Variants in MAGI1 observed in about 807,000 individuals in gnomAD.
MAGI1 encodes the protein membrane associated guanylate kinase, WW and PDZ domain containing 1.
Under a neutral mutation model 139.9 loss-of-function variants are expected in MAGI1, and 58 were observed. The ratio of observed to expected loss-of-function variants is 0.41; its 90% CI spans 0.34 to 0.52. The LOEUF is 0.52. Ranked by LOEUF, MAGI1 falls within the 20% of genes least tolerant of loss-of-function variation. The probability of loss-of-function intolerance (pLI) is 0.12; values close to 1 mark genes in which losing one functional copy is unlikely to be tolerated. For synonymous variants in MAGI1, 812 were observed against 737.9 expected (o/e 1.10, Z -1.63); for missense variants, 1,874 against 1,901.6 (o/e 0.99, Z 0.27).
chr3:65,597,099 G>A (rs749797945), intron 2 of MAGI1, among the ~76,000 whole-genome samples: 13 of 151,934 alleles, frequency 8.6e-5, no homozygotes, highest in Non-Finnish European at 1.5e-4. Flanking sequence ...CTGGGCGCCG[G>A]AACAATGCAG....
At chr3:65,860,176 G>A (rs571367890) in intron 1 of MAGI1, among the ~76,000 whole-genome samples, 2 of 152,180 alleles carry the variant, frequency 1.3e-5, no homozygotes, top group South Asian at 2.1e-4. Flanking sequence ...GATTACAGGT[G>A]TCAGCCACCG....
chr3:65,627,652 T>C (rs3953372), intron 1 of MAGI1, among the ~76,000 whole-genome samples: 7,788 of 151,518 alleles, frequency 0.051, 405 homozygotes, highest in African/African-American at 0.13. Context: ...GGACTACAGG[T>C]GACCACCACC....
At chr3:65,765,008 G>C (rs1267309337) in intron 1 of MAGI1, among the ~76,000 whole-genome samples, 1 of 152,120 alleles carries the variant, frequency 6.6e-6, no homozygotes, top group Non-Finnish European at 1.5e-5. Context: ...GAAATTATAG[G>C]AACTAAATTA....
intron 1 of MAGI1, among the ~76,000 whole-genome samples, chr3:65,701,218 A>G (rs1033278111): frequency 1.3e-5 from 2 of 152,222 alleles, no homozygotes; most frequent in African/African-American, 4.8e-5. Context: ...TAGATTATCT[A>G]AAATTCTCAT....
At chr3:65,916,258 G>A (rs1576023194) in intron 1 of MAGI1, among the ~76,000 whole-genome samples, 1 of 151,918 alleles carries the variant, frequency 6.6e-6, no homozygotes, top group African/African-American at 2.4e-5. Flanking sequence ...TAGTAGAGAC[G>A]GGGTTTCGCC....
intron 1 of MAGI1, among the ~76,000 whole-genome samples, chr3:65,776,783 GTGTGA>G: frequency 3.7e-5 from 1 of 26,984 alleles, no homozygotes; most frequent in East Asian, 1.0e-3. Flanking sequence ...AAAGACATTT[GTGTGA>G]TTTGTGTGAT....
chr3:65,934,169 T>C (rs2062937518), intron 1 of MAGI1, among the ~76,000 whole-genome samples: 1 of 151,294 alleles, frequency 6.6e-6, no homozygotes, highest in African/African-American at 2.4e-5. Context: ...TTCAAAGAGG[T>C]GAATCTAGGT....
intron 14 of MAGI1, 40 bp from the exon 15 acceptor site, chr3:65,383,663 G>T: frequency 8.0e-7 from 1 of 1,249,438 alleles, no homozygotes; most frequent in Non-Finnish European, 1.2e-6. Context: ...TTATTTTACT[G>T]ATAAAAGCAA....
intron 1 of MAGI1, among the ~76,000 whole-genome samples, chr3:65,900,504 C>G (rs1046418457): frequency 5.9e-5 from 9 of 152,204 alleles, no homozygotes; most frequent in African/African-American, 2.2e-4. Context: ...TCATAATATA[C>G]TAGTACAGAA....
At chr3:65,843,776 C>A in intron 1 of MAGI1, 1 of 170,312 alleles carries the variant, frequency 5.9e-6, no homozygotes, top group Non-Finnish European at 1.2e-5. Context: ...TAAAAGAAAG[C>A]AAGGTTTAAA....
intron 1 of MAGI1, among the ~76,000 whole-genome samples, chr3:65,978,223 T>A (rs1379743551): frequency 6.6e-6 from 1 of 152,166 alleles, no homozygotes; most frequent in Non-Finnish European, 1.5e-5. Context: ...AAGAATATTA[T>A]CCTCCTCTTA....
chr3:65,739,930 C>A (rs2107775432), intron 1 of MAGI1, among the ~76,000 whole-genome samples: 1 of 152,054 alleles, frequency 6.6e-6, no homozygotes, highest in East Asian at 1.9e-4. Context: ...ACAAGGTGAC[C>A]ACATGCTGTT....
chr3:65,948,478 G>A (rs1250464248), intron 1 of MAGI1, among the ~76,000 whole-genome samples: 1 of 152,136 alleles, frequency 6.6e-6, no homozygotes, highest in Non-Finnish European at 1.5e-5. Context: ...AATGGTTCAA[G>A]TAGAGCTTAT....
At chr3:65,471,898 C>T (rs1361341128) in intron 4 of MAGI1, among the ~76,000 whole-genome samples, 2 of 152,096 alleles carry the variant, frequency 1.3e-5, no homozygotes, top group African/African-American at 4.8e-5. Flanking sequence ...GCCATCTTGA[C>T]AAAGCTTGAC....
At chr3:65,888,672 T>A (rs968853358) in intron 1 of MAGI1, among the ~76,000 whole-genome samples, 1 of 152,186 alleles carries the variant, frequency 6.6e-6, no homozygotes, top group Non-Finnish European at 1.5e-5. Flanking sequence ...TTAAGATTTT[T>A]TTTAAACACT....
intron 2 of MAGI1, among the ~76,000 whole-genome samples, chr3:65,583,379 T>A (rs1383449479): frequency 6.6e-6 from 1 of 152,178 alleles, no homozygotes; most frequent in African/African-American, 2.4e-5. Context: ...GAAGCTATGT[T>A]ACAGTGGGAG....
intron 1 of MAGI1, among the ~76,000 whole-genome samples, chr3:65,829,981 T>C (rs145662209): frequency 1.3e-4 from 20 of 152,302 alleles, no homozygotes; most frequent in Non-Finnish European, 2.4e-4. Flanking sequence ...TAAACTGTTT[T>C]ATTAGTCACA....
chr3:65,910,660 T>A (rs2061621729), intron 1 of MAGI1, among the ~76,000 whole-genome samples: 1 of 151,872 alleles, frequency 6.6e-6, no homozygotes, highest in Admixed American at 6.6e-5. Flanking sequence ...ACATCCTGCG[T>A]TAGAAACGAG....
At chr3:65,975,196 G>A (rs2065205970) in intron 1 of MAGI1, among the ~76,000 whole-genome samples, 1 of 151,850 alleles carries the variant, frequency 6.6e-6, no homozygotes. Flanking sequence ...TCAACTCATG[G>A]CAATAGTTCG....
Sources: gnomAD v4.1 joint callset for allele counts (sites outside exome capture counted in the v4.1 genomes callset) on GRCh38, gnomAD v4.1.1 for gene constraint, MANE v1.5 for transcripts, NCBI Gene and HGNC (gene_info 2026-07-23, HGNC 2026-07-21) for gene names.